The following IQCK variants were observed in gnomAD, a reference collection of about 807,000 sequenced individuals.
The protein encoded by IQCK is IQ motif containing K, also known as IQ domain-containing protein K.
Under a neutral mutation model 28.1 loss-of-function variants are expected in IQCK, and 29 were observed. That is an observed-to-expected ratio of 1.03 (90% CI 0.77 to 1.41). IQCK has a LOEUF of 1.41. IQCK is among the 40% of genes most tolerant of loss of function. IQCK has a pLI of 0.00. For missense variants in IQCK, 359 were observed against 314.7 expected (o/e 1.14, Z -1.07); for synonymous variants, 113 against 115.1 (o/e 0.98, Z 0.12).
intron 4 of IQCK, among the ~76,000 whole-genome samples, chr16:19,750,033 A>G (rs1178266904): frequency 6.6e-6 from 1 of 152,170 alleles, no homozygotes; most frequent in Non-Finnish European, 1.5e-5. Context: ...CCTTGCTAGT[A>G]TTGTGACCTT....
At chr16:19,831,642 T>C (rs1189308873), downstream of IQCK, among the ~76,000 whole-genome samples, 1 of 151,300 alleles carries the variant, frequency 6.6e-6, no homozygotes, top group African/African-American at 2.4e-5. Context: ...CAAATGAAAA[T>C]GGTTTTTCAA....
intron 4 of IQCK, among the ~76,000 whole-genome samples, chr16:19,746,228 G>GAT (rs1258864612): frequency 9.3e-5 from 14 of 149,864 alleles, no homozygotes; most frequent in African/African-American, 2.5e-4. Flanking sequence ...GTACGTCGTA[G>GAT]ATATATATAT....
At position 19,733,809 on chromosome 16, in the gene IQCK, A is replaced by G. The variant is rs774754362; in HGVS notation, c.358A>G (p.Thr120Ala). 8 of 1,614,170 alleles carry G rather than the reference A, an allele frequency of 5.0e-6. No individual in the cohort carries two copies. Among genetic ancestry groups the G allele is most frequent in the Non-Finnish European group, 5.1e-6 (6 of 1,180,014 alleles). ...ACCCTGTCCTCAAGATAAATCGGAAACAATCAACCCAAAAACATGTGAGTA... is the reference window on the plus strand; with the variant it reads ...ACCCTGTCCTCAAGATAAATCGGAAGCAATCAACCCAAAAACATGTGAGTA... The change falls in exon 3 of 8, where the codon ACA (threonine) becomes GCA (alanine). Residue 120 changes from threonine (T) to alanine (A), a missense_variant. Thr to Ala is a moderately conservative substitution (Grantham distance 58, BLOSUM62 0). Coordinates refer to ENST00000564186, the Ensembl canonical transcript of IQCK.
intron 6 of IQCK, among the ~76,000 whole-genome samples, chr16:19,779,595 A>G (rs2055446639): frequency 6.6e-6 from 1 of 152,090 alleles, no homozygotes; most frequent in East Asian, 1.9e-4. Context: ...TTTTGGCCCA[A>G]TTCCATAACT....
chr16:19,830,830 C>T (rs770252325), downstream of IQCK, among the ~76,000 whole-genome samples: 8 of 152,186 alleles, frequency 5.3e-5, no homozygotes, highest in Admixed American at 5.2e-4. Flanking sequence ...AGTGTTATTA[C>T]AAGATTATAA....
At chr16:19,849,261 G>GTTTTT (rs71146276) in intron 9 of IQCK, among the ~76,000 whole-genome samples, 2 of 142,154 alleles carry the variant, frequency 1.4e-5, no homozygotes. Flanking sequence ...CTATGTTCAG[G>GTTTTT]TTTTTTTTTT....
intron 6 of IQCK, among the ~76,000 whole-genome samples, chr16:19,768,334 A>G (rs961698229): frequency 1.2e-4 from 19 of 152,214 alleles, no homozygotes; most frequent in Non-Finnish European, 2.4e-4. Flanking sequence ...TTGGAGGAAG[A>G]TAACTTTCGA....
At chr16:19,851,511 G>A (rs2056481516) in intron 9 of IQCK, among the ~76,000 whole-genome samples, 1 of 152,066 alleles carries the variant, frequency 6.6e-6, no homozygotes, top group Non-Finnish European at 1.5e-5. Context: ...TTTTTCTCTG[G>A]GCTGTGAATT....
chr16:19,764,976 G>A (rs1446509108), intron 6 of IQCK, among the ~76,000 whole-genome samples: 1 of 142,330 alleles, frequency 7.0e-6, no homozygotes, highest in Non-Finnish European at 1.5e-5. Context: ...TGGGATTACA[G>A]GCGTGAGCCA....
At chr16:19,839,132 C>A (rs1028798784) in intron 9 of IQCK, among the ~76,000 whole-genome samples, 1 of 148,624 alleles carries the variant, frequency 6.7e-6, no homozygotes, top group Non-Finnish European at 1.5e-5. Context: ...TTTGAAGTGG[C>A]AGAACTGAGA....
In IQCK at chr16:19,800,832, T is replaced by G; in HGVS notation, c.690+11910T>G. Among the ~76,000 whole-genome samples the G allele has an allele frequency of 1.8e-5, 2 of 111,578 alleles. 1 individual carries two copies. The highest frequency in any genetic ancestry group is 3.1e-5 in the Non-Finnish European group (2 of 63,660). The allele number at this position is 111,578 out of a possible 152,430, so 73.2% of individuals were successfully genotyped here. A position where few individuals can be genotyped will look rare whatever the true frequency, so the allele number is the denominator to read the frequency against. On this transcript the variant is annotated intron_variant, in intron 7 of 7. Transcript: ENST00000564186. ...TGTTTTTATTCTCTCTGTTTTATAT[T>G]TTTAAAATTATTTACAAAGAACATA... is the stretch of plus-strand genomic sequence containing the variant.
intron 7 of IQCK, among the ~76,000 whole-genome samples, chr16:19,809,638 GATAGACTCCCTCAT>G (rs2055877345): frequency 6.6e-6 from 1 of 152,200 alleles, no homozygotes; most frequent in Non-Finnish European, 1.5e-5. Context: ...AGAGAGAGGT[GATAGACTCCCTCAT>G]TCAATGAGAA....
chr16:19,742,343 A>G (rs2054849268), intron 4 of IQCK, among the ~76,000 whole-genome samples: 2 of 152,098 alleles, frequency 1.3e-5, no homozygotes, highest in Non-Finnish European at 2.9e-5. Context: ...ATTAAATCGG[A>G]TTCCCTCCAT....
chr16:19,727,112 C>T (rs1422941914), intron 1 of IQCK, among the ~76,000 whole-genome samples: 1 of 145,782 alleles, frequency 6.9e-6, no homozygotes, highest in African/African-American at 2.6e-5. Context: ...GCCTGGGCGA[C>T]GGAGCAAGAC....
At chr16:19,770,610 TCTGA>T (rs1392479989) in intron 6 of IQCK, among the ~76,000 whole-genome samples, 5 of 146,090 alleles carry the variant, frequency 3.4e-5, no homozygotes, top group Non-Finnish European at 7.5e-5. Flanking sequence ...GTCATATCTC[TCTGA>T]CTGTTTCTCT....
intron 4 of IQCK, among the ~76,000 whole-genome samples, chr16:19,760,087 ATACTC>A (rs1406047120): frequency 1.6e-4 from 25 of 152,318 alleles, no homozygotes; most frequent in Non-Finnish European, 3.2e-4. Context: ...TCATGCCACT[ATACTC>A]CAGCCTGGGT....
intron 5 of IQCK, 39 bp downstream of exon 5, chr16:19,763,939 A>G (rs780065720): frequency 6.2e-7 from 1 of 1,601,386 alleles, no homozygotes. Flanking sequence ...GATCCTAAGA[A>G]TTCAGTCGTG....
chr16:19,826,199 C>T (rs1342027811), intron 7 of IQCK, among the ~76,000 whole-genome samples: 3 of 151,862 alleles, frequency 2.0e-5, no homozygotes, highest in Non-Finnish European at 2.9e-5. Flanking sequence ...ATAGAGATGA[C>T]GTCTCACTAT....
intron 9 of IQCK, among the ~76,000 whole-genome samples, chr16:19,837,385 A>C (rs1048690571): frequency 4.6e-5 from 7 of 152,158 alleles, no homozygotes; most frequent in South Asian, 4.1e-4. Flanking sequence ...TGGGCAACAG[A>C]ATAAGACCCT....
Sources: allele counts gnomAD v4.1 joint callset (sites outside exome capture counted in the v4.1 genomes callset), GRCh38; gene constraint gnomAD v4.1.1; transcripts MANE v1.5; gene names NCBI Gene and HGNC (gene_info 2026-07-23, HGNC 2026-07-21).